PTPDC1: variants seen among roughly 807,000 people sequenced by gnomAD.
The protein encoded by PTPDC1 is protein tyrosine phosphatase domain containing 1, also known as protein tyrosine phosphatase domain-containing protein 1.
Under a neutral mutation model 75.3 loss-of-function variants are expected in PTPDC1, and 53 were observed. The observed-to-expected ratio is 0.70, with a 90% CI of 0.56 to 0.88. The LOEUF (loss-of-function observed/expected upper bound fraction) is 0.88, where lower values mean the gene tolerates loss of function less well. Ranked by LOEUF, PTPDC1 falls within the 40% of genes least tolerant of loss-of-function variation. The pLI is 0.00. For synonymous variants in PTPDC1, 349 were observed against 366.2 expected (o/e 0.95, Z 0.54); for missense variants, 925 against 998.6 (o/e 0.93, Z 0.99).
intron 7 of PTPDC1, among the ~76,000 whole-genome samples, chr9:94,102,365 GT>G (rs1004299151): frequency 4.0e-5 from 6 of 151,364 alleles, no homozygotes; most frequent in African/African-American, 7.3e-5. Context: ...AAAGATATAT[GT>G]TTAAAATAGA....
intron 1 of PTPDC1, among the ~76,000 whole-genome samples, chr9:94,057,315 C>T (rs568822850): frequency 1.3e-4 from 20 of 151,982 alleles, no homozygotes; most frequent in Admixed American, 7.9e-4. Context: ...AACTCCTGGG[C>T]TCAAACGATC....
chr9:94,048,671 T>C (rs967190824), intron 1 of PTPDC1, among the ~76,000 whole-genome samples: 4 of 152,210 alleles, frequency 2.6e-5, no homozygotes, highest in Non-Finnish European at 5.9e-5. Context: ...CTGGAAATAA[T>C]GTATATTCTG....
chr9:94,085,446 A>T (rs753218651), intron 2 of PTPDC1, 24 bp downstream of exon 2: 11 of 1,613,272 alleles, frequency 6.8e-6, no homozygotes. Context: ...TTGGTCTTTC[A>T]TAGCTCTGTT....
Position 94,103,022 on chromosome 9 carries a change from G to A in PTPDC1, c.2200-1253G>A, listed in dbSNP as rs201219152. Among the ~76,000 whole-genome samples the A allele has an allele frequency of 1.3e-4, 9 of 67,856 alleles. No homozygotes were observed. The East Asian group carries it at 1.5e-3, about 11-fold the overall frequency. The allele number at this position is 67,856 out of a possible 152,430, so 44.5% of individuals were successfully genotyped here. A position where few individuals can be genotyped will look rare whatever the true frequency, so the allele number is the denominator to read the frequency against. On this transcript the variant is annotated intron_variant, in intron 7 of 8. Transcript: ENST00000620992. ...CACACACACACACACACACACACAC[G>A]GACACATGGACGGATGCACATGCAG...
At position 94,039,691 on chromosome 9, in the gene PTPDC1, A is replaced by G. The variant is rs920514189; in HGVS notation, c.-7+8564A>G. On this transcript the variant is annotated intron_variant, in intron 1 of 9. Coordinates refer to the PTPDC1 transcript ENST00000375360. ...GTTGAGGCTGCAGTGAGCCATGATC[A>G]TGCCAGTATGTTCCTGCCTGGGTGA... Among the ~76,000 whole-genome samples the G allele has an allele frequency of 4.6e-5, 7 of 152,164 alleles. No homozygotes were observed. In the East Asian group the frequency reaches 1.3e-3, roughly 29 times the overall value.
At chr9:94,031,456 TA>T (rs1279953325) in intron 1 of PTPDC1, among the ~76,000 whole-genome samples, 20 of 147,878 alleles carry the variant, frequency 1.4e-4, no homozygotes, top group African/African-American at 3.0e-4. Context: ...GGCAATCAAT[TA>T]AAAAAAAAAG....
chr9:94,084,918 T>C (rs1827017803), intron 1 of PTPDC1, 144 bp downstream of exon 1: 1 of 630,382 alleles, frequency 1.6e-6, no homozygotes, highest in Non-Finnish European at 2.7e-6. Flanking sequence ...TTTTAGTGAA[T>C]ATATAAGAGG....
At chr9:94,101,437 C>A in intron 6 of PTPDC1, 129 bp from the exon 7 acceptor site, 1 of 635,842 alleles carries the variant, frequency 1.6e-6, no homozygotes, top group Non-Finnish European at 2.7e-6. Flanking sequence ...GGTCCCAGTT[C>A]TGCACTCTGG....
chr9:94,041,693 A>G (rs1365687061), intron 1 of PTPDC1, among the ~76,000 whole-genome samples: 2 of 152,132 alleles, frequency 1.3e-5, no homozygotes, highest in African/African-American at 2.4e-5. Flanking sequence ...TTGCTTCTGC[A>G]TCTTTTTGAC....
intron 5 of PTPDC1, among the ~76,000 whole-genome samples, 169 bp from the exon 6 acceptor site, chr9:94,097,152 C>T (rs1827603879): frequency 6.6e-6 from 1 of 152,160 alleles, no homozygotes; most frequent in Non-Finnish European, 1.5e-5. Flanking sequence ...TGCAAAATAA[C>T]ACCTCTACAA....
intron 2 of PTPDC1, among the ~76,000 whole-genome samples, chr9:94,076,074 A>T (rs1448867962): frequency 6.6e-6 from 1 of 152,096 alleles, no homozygotes; most frequent in Non-Finnish European, 1.5e-5. Flanking sequence ...ATCTTGGCTC[A>T]CTGCAACCTC....
chr9:94,042,454 C>CT (rs1825452237), intron 1 of PTPDC1, among the ~76,000 whole-genome samples: 1 of 152,114 alleles, frequency 6.6e-6, no homozygotes, highest in African/African-American at 2.4e-5. Flanking sequence ...TTCCCAGTGC[C>CT]TATAATAGTT....
In PTPDC1 at chr9:94,097,778, TGCA is replaced by T; in HGVS notation, c.1214_1216del (p.Ala405del). The T allele has an allele frequency of 6.2e-7, 1 of 1,614,134 alleles. No homozygotes were observed. The highest frequency in any genetic ancestry group is 8.5e-7 in the Non-Finnish European group (1 of 1,179,986). On this transcript the variant is annotated inframe_deletion, in exon 6 of 9. Transcript: ENST00000620992. The stretch of plus-strand genomic sequence containing the variant: ...ATGTGTCCAACCCGCCTAACCCCAC[TGCA>T]GTGGCAGCAGATTTTGACAATCGAG...
chr9:94,107,673 T>C (rs112593162), intron 8 of PTPDC1, among the ~76,000 whole-genome samples, 155 bp from the exon 9 acceptor site: 20 of 152,220 alleles, frequency 1.3e-4, no homozygotes, highest in African/African-American at 4.6e-4. Context: ...GTTCTAATAG[T>C]CTTTCAAATA....
chr9:94,106,446 C>T (rs1828027564), intron 8 of PTPDC1, among the ~76,000 whole-genome samples: 1 of 152,226 alleles, frequency 6.6e-6, no homozygotes, highest in African/African-American at 2.4e-5. Flanking sequence ...CTTGGGGCTC[C>T]TCAGCTATGA....
intron 1 of PTPDC1, among the ~76,000 whole-genome samples, chr9:94,060,485 G>A (rs910963840): frequency 6.6e-6 from 1 of 152,158 alleles, no homozygotes; most frequent in African/African-American, 2.4e-5. Flanking sequence ...TTTTTAAATA[G>A]TCATTGTGTT....
chr9:94,106,847 A>G lies in PTPDC1; in HGVS notation c.2311-981A>G, dbSNP rs147259811. Among the ~76,000 whole-genome samples the G allele has an allele frequency of 1.7e-3, 252 of 152,316 alleles. 1 individual carries two copies. Among genetic ancestry groups the G allele is most frequent in the African/African-American group, 5.8e-3 (241 of 41,574 alleles). The stretch of plus-strand genomic sequence containing the variant: ...TCTGTCCTGCCATCACTGCTAACCC[A>G]GAGTATGGTAAACTTGGGTGAAAAA... On this transcript the variant is annotated intron_variant, in intron 8 of 8. Transcript: ENST00000620992.
At chr9:94,065,760 AC>A (rs1826282427) in intron 2 of PTPDC1, among the ~76,000 whole-genome samples, 2 of 152,310 alleles carry the variant, frequency 1.3e-5, no homozygotes, top group South Asian at 4.1e-4. Context: ...ACTACTGGTA[AC>A]TACCATTTGT....
chr9:94,053,079 TA>T (rs1825831852), intron 1 of PTPDC1, among the ~76,000 whole-genome samples: 1 of 152,200 alleles, frequency 6.6e-6, no homozygotes, highest in African/African-American at 2.4e-5. Flanking sequence ...CCTATTTCTT[TA>T]AATGATGAAA....
Sources: gnomAD v4.1 joint callset for allele counts (sites outside exome capture counted in the v4.1 genomes callset) on GRCh38, gnomAD v4.1.1 for gene constraint, MANE v1.5 for transcripts, NCBI Gene and HGNC (gene_info 2026-07-23, HGNC 2026-07-21) for gene names.